The following ATF3 variants were observed in gnomAD, a reference collection of about 807,000 sequenced individuals.
ATF3 encodes cyclic AMP-dependent transcription factor ATF-3.
In ATF3, 10 loss-of-function variants were observed where a neutral mutation model predicts 18.4. The ratio of observed to expected loss-of-function variants is 0.54; its 90% CI spans 0.34 to 0.92. The LOEUF (loss-of-function observed/expected upper bound fraction) is 0.92, where lower values mean the gene tolerates loss of function less well. Among genes scored for constraint, ATF3 ranks in the 40% least tolerant of loss-of-function variants. The probability of loss-of-function intolerance (pLI) is 0.02; values close to 1 mark genes in which losing one functional copy is unlikely to be tolerated. For missense variants in ATF3, 183 were observed against 222.3 expected, an observed-to-expected ratio of 0.82 and a Z score of 1.12; for synonymous variants, 78 against 87.9, an observed-to-expected ratio of 0.89 and a Z score of 0.63.
intron 1 of ATF3, among the ~76,000 whole-genome samples, chr1:212,571,028 A>G (rs12038766): frequency 0.13 from 19,574 of 152,192 alleles, 1,749 homozygotes; most frequent in East Asian, 0.32. Flanking sequence ...TTCATTTTAT[A>G]AGAAACTACC....
At position 212,619,966 on chromosome 1, in the gene ATF3, G is replaced by T; in HGVS notation, c.*411G>T. ...CGTGGCTACCATTGTCACTCGTAGG[G>T]GATGTGGAGTGAGAACAGCATTTAG... is the stretch of plus-strand genomic sequence containing the variant. On this transcript the variant is annotated 3_prime_UTR_variant, in exon 4 of 4. Coordinates refer to ENST00000341491, the MANE Select transcript of ATF3 (RefSeq NM_001674.4). This position sits in a 1 kb window ranked among gnomAD's most constrained non-coding sequence, Gnocchi z 4.4. The T allele has an allele frequency of 3.7e-6, 1 of 267,778 alleles. No individual in the cohort carries two copies. The highest frequency in any genetic ancestry group is 7.4e-6 in the Non-Finnish European group (1 of 135,316). 16.6% of individuals were successfully genotyped at this position (267,778 alleles called of 1,614,324 possible). A position where few individuals can be genotyped will look rare whatever the true frequency, so the allele number is the denominator to read the frequency against.
upstream of ATF3, among the ~76,000 whole-genome samples, chr1:212,604,469 C>A (rs534747680): frequency 8.5e-5 from 13 of 152,284 alleles, no homozygotes; most frequent in African/African-American, 3.1e-4. Context: ...GGGTGTTCTG[C>A]CACATCCCTC....
chr1:212,566,460 C>G (rs1275936295), intron 1 of ATF3, among the ~76,000 whole-genome samples: 5 of 152,126 alleles, frequency 3.3e-5, no homozygotes, highest in Non-Finnish European at 5.9e-5. Context: ...AGCTGAGAGC[C>G]TTTTCAGAGG....
chr1:212,617,312 G>A (rs1317383174), intron 2 of ATF3, among the ~76,000 whole-genome samples: 1 of 152,186 alleles, frequency 6.6e-6, no homozygotes, highest in Non-Finnish European at 1.5e-5. Context: ...TAAGACTCCT[G>A]GAATAATAAA....
intron 1 of ATF3, 72 bp downstream of exon 1, chr1:212,609,002 G>A (rs112813307): frequency 2.0e-4 from 31 of 152,056 alleles, no homozygotes; most frequent in African/African-American, 7.5e-4. Context: ...GCCCCTCTAA[G>A]TAACCAGTCC....
At chr1:212,586,839 C>A (rs1329539217) in intron 1 of ATF3, among the ~76,000 whole-genome samples, 1 of 152,196 alleles carries the variant, frequency 6.6e-6, no homozygotes, top group Non-Finnish European at 1.5e-5. Context: ...AGTGCTGCAA[C>A]CTTAAGAATC....
In ATF3 at chr1:212,618,571, A is replaced by G; in HGVS notation, c.348+337A>G. The G allele has an allele frequency of 2.4e-6, 1 of 409,078 alleles. No individual in the cohort carries two copies. Among genetic ancestry groups the G allele is most frequent in the East Asian group, 5.2e-5 (1 of 19,164 alleles). The allele number at this position is 409,078 out of a possible 1,614,324, so 25.3% of individuals were successfully genotyped here. On this transcript the variant is annotated intron_variant, in intron 3 of 3. Coordinates refer to ENST00000341491, the MANE Select transcript of ATF3 (RefSeq NM_001674.4). The surrounding 1 kb of genome is among the most constrained non-coding windows in gnomAD (Gnocchi z 4.4). ...TTCACTTGACTGTTTTCCTGAGAAA[A>G]GGAAGCTGCCAGCTCTCATTTGGCT...
chr1:212,618,867 CAG>C lies in ATF3; in HGVS notation c.349-488_349-487del. The C allele has an allele frequency of 1.3e-6, 1 of 766,136 alleles. No individual in the cohort carries two copies. Among genetic ancestry groups the C allele is most frequent in the Admixed American group, 2.1e-5 (1 of 47,254 alleles). 47.5% of individuals were successfully genotyped at this position (766,136 alleles called of 1,614,324 possible). On this transcript the variant is annotated intron_variant, in intron 3 of 3. Transcript: ENST00000341491. This position sits in a 1 kb window ranked among gnomAD's most constrained non-coding sequence, Gnocchi z 4.4. ...TCCTCCAAATGTGGACAGGCCATGACAGAGTCTTAGCCCAAGTCCCACAGATC... is the reference window on the plus strand; with the variant it reads ...TCCTCCAAATGTGGACAGGCCATGACAGTCTTAGCCCAAGTCCCACAGATC...
intron 1 of ATF3, among the ~76,000 whole-genome samples, chr1:212,602,736 C>G (rs1034456449): frequency 6.6e-6 from 1 of 152,250 alleles, no homozygotes; most frequent in African/African-American, 2.4e-5. Context: ...GTACATAGCA[C>G]GGAACACCCA....
intron 1 of ATF3, among the ~76,000 whole-genome samples, chr1:212,596,081 C>A (rs147151873): frequency 7.2e-5 from 11 of 152,232 alleles, no homozygotes; most frequent in Non-Finnish European, 1.5e-4. Context: ...GGAGTGGGAA[C>A]AAAATATTCC....
intron 1 of ATF3, among the ~76,000 whole-genome samples, chr1:212,609,593 T>A (rs1044577771): frequency 3.3e-5 from 5 of 151,796 alleles, no homozygotes; most frequent in African/African-American, 9.7e-5. Flanking sequence ...TGGCGAGCGC[T>A]GGTGTCGCGC....
chr1:212,601,461 A>G (rs1654482963), intron 1 of ATF3, among the ~76,000 whole-genome samples: 1 of 152,238 alleles, frequency 6.6e-6, no homozygotes, highest in South Asian at 2.1e-4. Flanking sequence ...AAGTAAACAC[A>G]CATCATGCTC....
At chr1:212,592,552 T>C (rs1345659564) in intron 1 of ATF3, among the ~76,000 whole-genome samples, 1 of 150,746 alleles carries the variant, frequency 6.6e-6, no homozygotes, top group African/African-American at 2.5e-5. Flanking sequence ...TTTTTCATGC[T>C]ATTTATTTGT....
At chr1:212,575,361 G>T (rs188883461) in intron 1 of ATF3, among the ~76,000 whole-genome samples, 12 of 152,046 alleles carry the variant, frequency 7.9e-5, no homozygotes, top group Admixed American at 7.2e-4. Context: ...TTACTATTAA[G>T]AATGCTATTG....
upstream of ATF3, among the ~76,000 whole-genome samples, chr1:212,603,865 C>CT (rs1166894087): frequency 6.6e-6 from 1 of 151,268 alleles, no homozygotes; most frequent in Admixed American, 6.6e-5. Flanking sequence ...GAAGAAAGAC[C>CT]ATATACCATT....
chr1:212,587,270 C>T (rs1288107014), intron 1 of ATF3, among the ~76,000 whole-genome samples: 1 of 152,178 alleles, frequency 6.6e-6, no homozygotes, highest in African/African-American at 2.4e-5. Flanking sequence ...GGGATGAATA[C>T]ATTAATAAAT....
rs151117786 is a variant in ATF3, at chr1:212,586,965, G to A, written c.-5+21482G>A. Among the ~76,000 whole-genome samples the A allele has an allele frequency of 6.3e-3, 966 of 152,270 alleles. 9 individuals are homozygous for A. The highest frequency in any genetic ancestry group is 0.022 in the African/African-American group (909 of 41,540). The stretch of plus-strand genomic sequence containing the variant: ...AAAGTGACGCTGGGCTGGGCCCTCC[G>A]CAGGGCAGAGGAGCCCTCCAGGTGC... On this transcript the variant is annotated intron_variant, in intron 1 of 3. Transcript: ENST00000366981.
At chr1:212,615,337 G>T (rs1282394561) in intron 2 of ATF3, 76 bp downstream of exon 2, 4 of 1,532,072 alleles carry the variant, frequency 2.6e-6, no homozygotes, top group Non-Finnish European at 3.5e-6. Context: ...CATGTTCTAG[G>T]CAGGGGGCTG....
intron 2 of ATF3, among the ~76,000 whole-genome samples, chr1:212,616,683 G>A (rs967099705): frequency 6.6e-6 from 1 of 152,192 alleles, no homozygotes; most frequent in Admixed American, 6.5e-5. Flanking sequence ...GCACAGAAAG[G>A]AGGCCGTGGC....
Sources: allele counts gnomAD v4.1 joint callset (sites outside exome capture counted in the v4.1 genomes callset), GRCh38; gene constraint gnomAD v4.1.1; non-coding constraint Gnocchi (gnomAD v3.1); transcripts MANE v1.5; gene names NCBI Gene and HGNC (gene_info 2026-07-23, HGNC 2026-07-21).